Variants in RILPL1 observed in about 807,000 individuals in gnomAD.
RILPL1 encodes the protein Rab interacting lysosomal protein like 1, also known as RILP-like protein 1.
Under a neutral mutation model 50.3 loss-of-function variants are expected in RILPL1, and 33 were observed. The observed-to-expected ratio is 0.66, with a 90% CI of 0.50 to 0.88. The LOEUF is 0.88. Among genes scored for constraint, RILPL1 ranks in the 40% least tolerant of loss-of-function variants. The pLI is 0.00. For missense variants in RILPL1, 418 were observed against 542.5 expected (o/e 0.77, Z 2.28); for synonymous variants, 205 against 228.6 (o/e 0.90, Z 0.93).
At chr12:123,530,354 TG>T (rs1409598081) in intron 1 of RILPL1, among the ~76,000 whole-genome samples, 1 of 152,140 alleles carries the variant, frequency 6.6e-6, no homozygotes, top group Non-Finnish European at 1.5e-5. Flanking sequence ...TTAGTAGAAA[TG>T]GGGTTTTGCC....
At position 123,523,540 on chromosome 12, in the gene RILPL1, G is replaced by A; in HGVS notation, c.415C>T (p.His139Tyr). The A allele has an allele frequency of 1.2e-6, 2 of 1,613,860 alleles. No individual in the cohort carries two copies. The highest frequency in any genetic ancestry group is 1.7e-6 in the Non-Finnish European group (2 of 1,179,756). The part of the protein sequence containing the change: ...ENKQLMTNLS[H>Y]KDVNFSEEEF... The stretch of plus-strand genomic sequence containing the variant: ...TCCTCTGAGAAATTGACATCCTTGT[G>A]GGAGAGGTTGGTCATGAGCTGCTTG... The change falls in exon 2 of 7, where the codon CAC becomes TAC. Residue 139 changes from histidine to tyrosine, a missense_variant. His to Tyr is a moderately conservative substitution (Grantham distance 83). Transcript: ENST00000376874.
At position 123,472,482 on chromosome 12, in the gene RILPL1, C is replaced by T. The variant is rs985985220; in HGVS notation, c.*56G>A. The stretch of plus-strand genomic sequence containing the variant: ...CAGCAATGACCCCTGGGCTGCAGTT[C>T]GGTTGCAGGCGCTGGTGGCGGGCAG... On this transcript the variant is annotated 3_prime_UTR_variant, in exon 7 of 7. Transcript: ENST00000376874. 1.8e-5 allele frequency: 28 copies of T among 1,542,812 alleles called. No homozygotes were observed. In the East Asian group the frequency reaches 2.2e-4, roughly 12 times the overall value.
intron 2 of RILPL1, among the ~76,000 whole-genome samples, chr12:123,511,116 G>GGT (rs1884131536): frequency 3.3e-5 from 2 of 60,776 alleles, no homozygotes; most frequent in African/African-American, 6.3e-5. Flanking sequence ...CTGTGTGTGT[G>GGT]GTGTGTGAGG....
Position 123,498,339 on chromosome 12 carries a change from CCAGG to C in RILPL1, c.801+201_801+204del, listed in dbSNP as rs35294959. 0.45 allele frequency among the ~76,000 whole-genome samples: 67,911 copies of C among 151,336 alleles called. 16,705 individuals carry two copies. Among genetic ancestry groups the C allele is most frequent in the African/African-American group, 0.63 (26,027 of 41,140 alleles). On this transcript the variant is annotated intron_variant, in intron 4 of 6. Coordinates refer to ENST00000376874, the MANE Select transcript of RILPL1 (RefSeq NM_178314.5). This position sits in a 1 kb window ranked among gnomAD's most constrained non-coding sequence, Gnocchi z 4.3. ...CAAGTGATCCTCCTGCCTAAGCCTC[CCAGG>C]CAGGCAGCTGGTACTACAGGTGTGC...
At chr12:123,496,933 C>T (rs13303080) in intron 4 of RILPL1, among the ~76,000 whole-genome samples, 30,062 of 152,194 alleles carry the variant, frequency 0.2, 3,152 homozygotes, top group Middle Eastern at 0.24. Context: ...CCATGCCCAT[C>T]GGCAGTCACT....
At chr12:123,525,715 A>G (rs1424330994) in intron 1 of RILPL1, among the ~76,000 whole-genome samples, 1 of 133,610 alleles carries the variant, frequency 7.5e-6, no homozygotes, top group African/African-American at 2.6e-5. Flanking sequence ...AAAAAAAAAA[A>G]AAAAAAAAAG....
At chr12:123,510,917 CTGTG>C (rs150135730) in intron 2 of RILPL1, among the ~76,000 whole-genome samples, 2 of 105,038 alleles carry the variant, frequency 1.9e-5, no homozygotes, top group African/African-American at 3.9e-5. Context: ...TGTGTGAGGT[CTGTG>C]TGTGTGTGGT....
At chr12:123,511,353 T>C (rs1361383803) in intron 2 of RILPL1, among the ~76,000 whole-genome samples, 2 of 144,654 alleles carry the variant, frequency 1.4e-5, no homozygotes, top group African/African-American at 5.1e-5. Flanking sequence ...CAATGTGAGG[T>C]CTGTGTGTGG....
intron 2 of RILPL1, among the ~76,000 whole-genome samples, chr12:123,521,710 A>C (rs1366053914): frequency 3.8e-5 from 4 of 106,620 alleles, no homozygotes; most frequent in Admixed American, 1.2e-4. Flanking sequence ...TATATATATA[A>C]ATATATATAT....
chr12:123,483,568 CAGG>C (rs923302850), intron 6 of RILPL1, among the ~76,000 whole-genome samples: 8 of 152,304 alleles, frequency 5.3e-5, no homozygotes, highest in African/African-American at 1.9e-4. Context: ...GGGGAAATTT[CAGG>C]AGGTTTTATC....
intron 2 of RILPL1, among the ~76,000 whole-genome samples, chr12:123,501,711 G>A (rs556001907): frequency 2.8e-5 from 4 of 142,226 alleles, no homozygotes; most frequent in Non-Finnish European, 6.0e-5. Flanking sequence ...AGTGAGCCAA[G>A]ATCACGCTAC....
At chr12:123,512,057 G>A (rs1263931693) in intron 2 of RILPL1, among the ~76,000 whole-genome samples, 2 of 135,918 alleles carry the variant, frequency 1.5e-5, no homozygotes, top group African/African-American at 2.8e-5. Flanking sequence ...TGAGGTCTGT[G>A]TGTGGTGTGT....
intron 1 of RILPL1, among the ~76,000 whole-genome samples, chr12:123,530,412 C>T (rs914597835): frequency 2.0e-5 from 3 of 152,310 alleles, no homozygotes; most frequent in Admixed American, 6.5e-5. Context: ...GTGATCCACC[C>T]GCCTTGGCCC....
chr12:123,530,207 C>A (rs528464561), intron 1 of RILPL1, among the ~76,000 whole-genome samples: 1 of 152,096 alleles, frequency 6.6e-6, no homozygotes, highest in South Asian at 2.1e-4. Context: ...ACTCTGTCAC[C>A]CAGGCTGGAG....
intron 4 of RILPL1, among the ~76,000 whole-genome samples, chr12:123,495,453 C>A (rs1437946444): frequency 6.6e-6 from 1 of 150,592 alleles, no homozygotes; most frequent in Non-Finnish European, 1.5e-5. Context: ...CGGCTCACTG[C>A]AAGCTTCGCC....
chr12:123,527,666 A>G (rs1244324485), intron 1 of RILPL1, among the ~76,000 whole-genome samples: 1 of 152,062 alleles, frequency 6.6e-6, no homozygotes, highest in Non-Finnish European at 1.5e-5. Flanking sequence ...GTGTCTCAAA[A>G]AAAAGAGCTT....
At chr12:123,508,385 C>T (rs1292490612) in intron 2 of RILPL1, among the ~76,000 whole-genome samples, 1 of 151,958 alleles carries the variant, frequency 6.6e-6, no homozygotes, top group Non-Finnish European at 1.5e-5. Context: ...CAGAGAGAGA[C>T]CCTGCCTCAA....
chr12:123,528,970 T>C (rs1428851808), intron 1 of RILPL1, among the ~76,000 whole-genome samples: 1 of 152,024 alleles, frequency 6.6e-6, no homozygotes, highest in Admixed American at 6.6e-5. Context: ...AAATTCCTCA[T>C]CTGAGCCTAC....
In RILPL1 at chr12:123,472,541, C is replaced by G; in HGVS notation, c.1209G>C (p.Leu403=). Reference sequence around the variant, plus strand: ...GGAGGGTGGAGATGGGCCAAGGTCACAGATGCTGCAGGGCTTCCTGTCCTT... The same window carrying G: ...GGAGGGTGGAGATGGGCCAAGGTCAGAGATGCTGCAGGGCTTCCTGTCCTT... ...TEQGQEALQH[L] The change falls in exon 7 of 7, where the codon CTG becomes CTC. Residue 403 remains leucine (L), a synonymous_variant. Coordinates refer to ENST00000376874, the MANE Select transcript of RILPL1 (RefSeq NM_178314.5). 6 of 1,551,270 alleles carry G rather than the reference C, an allele frequency of 3.9e-6. No homozygotes were observed. Among genetic ancestry groups the G allele is most frequent in the Non-Finnish European group, 5.2e-6 (6 of 1,147,094 alleles).
Sources: gnomAD v4.1 joint callset for allele counts (sites outside exome capture counted in the v4.1 genomes callset) on GRCh38, gnomAD v4.1.1 for gene constraint, Gnocchi (gnomAD v3.1) non-coding constraint, MANE v1.5 for transcripts, NCBI Gene and HGNC (gene_info 2026-07-23, HGNC 2026-07-21) for gene names.